LRRC4C: variants seen among roughly 807,000 people sequenced by gnomAD.
The protein encoded by LRRC4C is leucine rich repeat containing 4C.
Under a neutral mutation model 33.6 loss-of-function variants are expected in LRRC4C, and 5 were observed. That is an observed-to-expected ratio of 0.15 (90% confidence interval 0.08 to 0.31). The LOEUF (loss-of-function observed/expected upper bound fraction) is 0.31. Ranked by LOEUF, LRRC4C falls within the 10% of genes least tolerant of loss-of-function variation. The pLI is 1.00. For missense variants in LRRC4C, 560 were observed against 796.7 expected (o/e 0.70, Z 3.58); for synonymous variants, 329 against 302.0 (o/e 1.09, Z -0.93).
chr11:40,464,964 T>C (rs1413397245), intron 3 of LRRC4C, among the ~76,000 whole-genome samples: 2 of 151,876 alleles, frequency 1.3e-5, no homozygotes, highest in Admixed American at 6.6e-5. Context: ...AAAAAAACAG[T>C]TCTAAAATTA....
chr11:40,500,309 C>G (rs867784162), intron 3 of LRRC4C, among the ~76,000 whole-genome samples: 1 of 145,294 alleles, frequency 6.9e-6, no homozygotes, highest in Non-Finnish European at 1.5e-5. Flanking sequence ...CACACACACA[C>G]ACACACACAC....
At chr11:41,046,454 A>G (rs1857779503) in intron 1 of LRRC4C, among the ~76,000 whole-genome samples, 2 of 152,182 alleles carry the variant, frequency 1.3e-5, no homozygotes, top group African/African-American at 4.8e-5. Context: ...AACTCTACTG[A>G]TATCAAACTG....
At chr11:41,021,200 AGAGAGAGAGAGAGAGTGT>A (rs1362415773) in intron 1 of LRRC4C, among the ~76,000 whole-genome samples, 15 of 33,084 alleles carry the variant, frequency 4.5e-4, no homozygotes, top group African/African-American at 8.7e-4. Context: ...AGAGAGAGAG[AGAGAGAGAGAGAGAGTGT>A]GTGTGTGTGT....
chr11:40,742,553 A>G (rs1270450958), intron 2 of LRRC4C, among the ~76,000 whole-genome samples: 1 of 152,062 alleles, frequency 6.6e-6, no homozygotes, highest in Non-Finnish European at 1.5e-5. Context: ...CATTCCTAAT[A>G]GATTGTGCAG....
intron 3 of LRRC4C, among the ~76,000 whole-genome samples, chr11:40,645,628 A>T (rs1942404768): frequency 6.6e-6 from 1 of 152,324 alleles, no homozygotes; most frequent in South Asian, 2.1e-4. Flanking sequence ...ACTCTTTCCT[A>T]GTGATAAAAC....
intron 2 of LRRC4C, among the ~76,000 whole-genome samples, chr11:40,915,418 C>G (rs1312386041): frequency 6.6e-6 from 1 of 152,140 alleles, no homozygotes; most frequent in South Asian, 2.1e-4. Flanking sequence ...TGATCTTTGA[C>G]AAACCTGACA....
At chr11:40,582,705 G>C (rs112334192) in intron 3 of LRRC4C, among the ~76,000 whole-genome samples, 40,078 of 151,476 alleles carry the variant, frequency 0.26, 5,455 homozygotes, top group Middle Eastern at 0.36. Flanking sequence ...TTAGTAGAGA[G>C]AGGGTTTCAC....
intron 1 of LRRC4C, among the ~76,000 whole-genome samples, chr11:41,008,458 G>A (rs78011605): frequency 3.9e-5 from 6 of 152,090 alleles, no homozygotes; most frequent in Non-Finnish European, 5.9e-5. Flanking sequence ...GAGCTAGTTC[G>A]ATTTGTTGAA....
chr11:41,182,644 C>A, intron 1 of LRRC4C, among the ~76,000 whole-genome samples: 1 of 152,116 alleles, frequency 6.6e-6, no homozygotes, highest in East Asian at 1.9e-4. Context: ...ATATTTTTAA[C>A]TGTAGAAGGA....
chr11:40,121,559 G>A (rs1855828233), intron 6 of LRRC4C, among the ~76,000 whole-genome samples: 1 of 152,140 alleles, frequency 6.6e-6, no homozygotes, highest in Non-Finnish European at 1.5e-5. Flanking sequence ...TCATCTGACA[G>A]CATTTATTTA....
chr11:40,596,878 T>C (rs527982300), intron 3 of LRRC4C, among the ~76,000 whole-genome samples: 1 of 152,258 alleles, frequency 6.6e-6, no homozygotes, highest in East Asian at 1.9e-4. Flanking sequence ...AATATAAGTG[T>C]CCATCAATGT....
chr11:41,241,173 A>G (rs61878651), intron 1 of LRRC4C, among the ~76,000 whole-genome samples: 51,932 of 151,994 alleles, frequency 0.34, 10,783 homozygotes, highest in Non-Finnish European at 0.46. Flanking sequence ...AGGAGAATCA[A>G]TTTTCTCCCA....
intron 2 of LRRC4C, among the ~76,000 whole-genome samples, chr11:40,733,786 A>T (rs1457136595): frequency 6.6e-6 from 1 of 152,114 alleles, no homozygotes; most frequent in Non-Finnish European, 1.5e-5. Flanking sequence ...GCCCCTTCAA[A>T]TACCCATTAC....
At chr11:41,246,372 G>A (rs941244012) in intron 1 of LRRC4C, among the ~76,000 whole-genome samples, 1 of 152,224 alleles carries the variant, frequency 6.6e-6, no homozygotes, top group Non-Finnish European at 1.5e-5. Flanking sequence ...AATCAGAACA[G>A]GCACTGGGAG....
intron 1 of LRRC4C, among the ~76,000 whole-genome samples, chr11:41,263,467 G>T (rs1296844302): frequency 1.3e-5 from 2 of 152,106 alleles, no homozygotes; most frequent in East Asian, 3.9e-4. Context: ...TAGTAAGGGG[G>T]CATTTAGAGA....
chr11:40,684,353 G>A (rs1288390544), intron 2 of LRRC4C, among the ~76,000 whole-genome samples: 1 of 151,850 alleles, frequency 6.6e-6, no homozygotes, highest in African/African-American at 2.4e-5. Flanking sequence ...CTAAATGTAC[G>A]CATTAAATTT....
intron 4 of LRRC4C, among the ~76,000 whole-genome samples, chr11:40,311,739 G>A (rs950467096): frequency 2.6e-5 from 4 of 152,056 alleles, no homozygotes; most frequent in Non-Finnish European, 4.4e-5. Flanking sequence ...AAGGTCAAGA[G>A]ATCGAGACCA....
intron 3 of LRRC4C, among the ~76,000 whole-genome samples, chr11:40,399,499 C>A (rs1466741907): frequency 6.6e-6 from 1 of 150,722 alleles, no homozygotes; most frequent in Non-Finnish European, 1.5e-5. Flanking sequence ...CACATGGACA[C>A]AGGAAGGGGA....
At chr11:41,350,890 G>A (rs1265331312) in intron 1 of LRRC4C, among the ~76,000 whole-genome samples, 1 of 152,134 alleles carries the variant, frequency 6.6e-6, no homozygotes, top group Non-Finnish European at 1.5e-5. Flanking sequence ...AAGAAACTCA[G>A]ATCTGGAAGA....
Sources: gnomAD v4.1 joint callset for allele counts (sites outside exome capture counted in the v4.1 genomes callset) on GRCh38, gnomAD v4.1.1 for gene constraint, MANE v1.5 for transcripts, NCBI Gene and HGNC (gene_info 2026-07-23, HGNC 2026-07-21) for gene names.